CAPN8: variants seen among roughly 807,000 people sequenced by gnomAD.
CAPN8 encodes the protein calpain-8.
CAPN8 carries 87 observed loss-of-function variants against 80.9 expected under a neutral mutation model. The observed-to-expected ratio is 1.07, with a 90% confidence interval of 0.90 to 1.28. CAPN8 has a LOEUF of 1.28. CAPN8 is among the 50% of genes most tolerant of loss of function. The probability of loss-of-function intolerance (pLI) is 0.00; values close to 1 mark genes in which losing one functional copy is unlikely to be tolerated. For missense variants in CAPN8, 757 were observed against 702.0 expected, an observed-to-expected ratio of 1.08 and a Z score of -0.89; for synonymous variants, 299 against 273.8, an observed-to-expected ratio of 1.09 and a Z score of -0.91.
At chr1:223,614,410 A>G (rs1262588645) in intron 10 of CAPN8, among the ~76,000 whole-genome samples, 1 of 152,048 alleles carries the variant, frequency 6.6e-6, no homozygotes, top group Non-Finnish European at 1.5e-5. Context: ...AAAAAAAAAA[A>G]AAAGGTAGGC....
chr1:223,624,749 A>G (rs1269430846), intron 6 of CAPN8, among the ~76,000 whole-genome samples: 4 of 151,942 alleles, frequency 2.6e-5, no homozygotes, highest in Non-Finnish European at 4.4e-5. Flanking sequence ...AAATAAAATC[A>G]TTGTAAGCCA....
At chr1:223,618,623 G>A (rs1657277798) in intron 9 of CAPN8, among the ~76,000 whole-genome samples, 1 of 152,242 alleles carries the variant, frequency 6.6e-6, no homozygotes, top group Non-Finnish European at 1.5e-5. Flanking sequence ...GTGTGGGGAG[G>A]GGAGTGGGGA....
At chr1:223,628,388 T>C (rs1420597404) in intron 3 of CAPN8, among the ~76,000 whole-genome samples, 1 of 152,126 alleles carries the variant, frequency 6.6e-6, no homozygotes, top group Non-Finnish European at 1.5e-5. Context: ...CAGCAGGAAG[T>C]GATTCAGACC....
chr1:223,551,165 G>C, intron 14 of CAPN8, 148 bp from the exon 15 acceptor site: 1 of 589,822 alleles, frequency 1.7e-6, no homozygotes, highest in Non-Finnish European at 3.0e-6. Context: ...TTTTTTTTGA[G>C]ACAGTCTTAC....
intron 1 of CAPN8, among the ~76,000 whole-genome samples, chr1:223,656,285 A>G (rs1210501920): frequency 6.6e-6 from 1 of 152,042 alleles, no homozygotes; most frequent in East Asian, 1.9e-4. Context: ...CCTAGCTAAC[A>G]TGGTGAAACT....
chr1:223,658,186 A>G (rs1558358887), intron 1 of CAPN8, among the ~76,000 whole-genome samples: 2 of 152,194 alleles, frequency 1.3e-5, no homozygotes, highest in African/African-American at 4.8e-5. Flanking sequence ...TGATGCTTCC[A>G]AAATAACTCC....
intron 15 of CAPN8, among the ~76,000 whole-genome samples, chr1:223,549,850 C>T (rs1346713028): frequency 6.6e-6 from 1 of 152,198 alleles, no homozygotes; most frequent in Non-Finnish European, 1.5e-5. Flanking sequence ...AAGCACTGCA[C>T]ATCTACTCTT....
intron 2 of CAPN8, among the ~76,000 whole-genome samples, chr1:223,641,986 G>A (rs191121135): frequency 2.0e-5 from 3 of 152,260 alleles, no homozygotes; most frequent in South Asian, 2.1e-4. Flanking sequence ...ATTCAACACC[G>A]TGGGCCCACC....
intron 1 of CAPN8, among the ~76,000 whole-genome samples, chr1:223,663,953 T>C (rs548952646): frequency 6.6e-6 from 1 of 152,236 alleles, no homozygotes; most frequent in Non-Finnish European, 1.5e-5. Context: ...TTCCCTATCA[T>C]GGTTTAGAAG....
At chr1:223,656,675 TG>T (rs149773608) in intron 1 of CAPN8, among the ~76,000 whole-genome samples, 13,546 of 92,286 alleles carry the variant, frequency 0.15, 2,304 homozygotes, top group Non-Finnish European at 0.22. Context: ...TGGGTTTTTT[TG>T]TTTTGTTTTT....
At chr1:223,543,825 C>G (rs1329488092) in intron 19 of CAPN8, among the ~76,000 whole-genome samples, 1 of 152,240 alleles carries the variant, frequency 6.6e-6, no homozygotes, top group African/African-American at 2.4e-5. Flanking sequence ...TGGATGGCAG[C>G]TTTGTTAAGT....
chr1:223,634,902 T>G (rs1411838603), intron 2 of CAPN8, among the ~76,000 whole-genome samples: 1 of 152,208 alleles, frequency 6.6e-6, no homozygotes, highest in Non-Finnish European at 1.5e-5. Flanking sequence ...AATAGAGTAA[T>G]TGAAAGCAAT....
intron 20 of CAPN8, among the ~76,000 whole-genome samples, chr1:223,542,595 T>C (rs1003560352): frequency 1.3e-5 from 2 of 152,192 alleles, no homozygotes; most frequent in African/African-American, 4.8e-5. Flanking sequence ...CCACACTTCC[T>C]GCTGTCCCCT....
chr1:223,628,872 C>A (rs1435113543), intron 2 of CAPN8, 92 bp from the exon 3 acceptor site: 30 of 1,008,230 alleles, frequency 3.0e-5, no homozygotes, highest in Middle Eastern at 2.4e-4. Context: ...CCAGAGTCCA[C>A]GTTGCCACAT....
chr1:223,642,908 A>T (rs1571729564), intron 2 of CAPN8: 1 of 443,584 alleles, frequency 2.3e-6, no homozygotes, highest in East Asian at 7.0e-5. Context: ...CCAGCTTTAA[A>T]TCAGACCTTT....
intron 2 of CAPN8, among the ~76,000 whole-genome samples, chr1:223,630,503 AT>A (rs71572866): frequency 0.15 from 22,473 of 146,686 alleles, 1,962 homozygotes; most frequent in Middle Eastern, 0.23. Flanking sequence ...TGCCTGGTTA[AT>A]TTTTTTTTTT....
chr1:223,625,575 G>A (rs981502550), intron 6 of CAPN8, among the ~76,000 whole-genome samples: 4 of 152,178 alleles, frequency 2.6e-5, no homozygotes, highest in Non-Finnish European at 5.9e-5. Flanking sequence ...GGGATTACAG[G>A]TGTGAGCCAC....
rs1657046878 is a variant in CAPN8 at position 223,612,237 on chromosome 1, C to T, written c.1323+9G>A. 3 of 1,234,334 alleles carry T rather than the reference C, an allele frequency of 2.4e-6. No homozygotes were observed. The highest frequency in any genetic ancestry group is 1.5e-5 in the African/African-American group (1 of 64,630). 76.5% of individuals were successfully genotyped at this position (1,234,334 alleles called of 1,614,324 possible). A position where few individuals can be genotyped will look rare whatever the true frequency, so the allele number is the denominator to read the frequency against. On this transcript the variant is annotated intron_variant, in intron 11 of 20. Coordinates refer to ENST00000366872, the MANE Select transcript of CAPN8 (RefSeq NM_001143962.2). ...CCAAAGGAAGGAATCTCTGTCAGCA[C>T]TCACATACCTCCTTGGGAACCTGTG...
At chr1:223,550,839 T>G (rs1249164050) in intron 15 of CAPN8, 121 bp downstream of exon 15, 1 of 608,166 alleles carries the variant, frequency 1.6e-6, no homozygotes, top group Non-Finnish European at 3.0e-6. Context: ...GCTCCTGGGG[T>G]CAGACACCAA....
Sources: allele counts gnomAD v4.1 joint callset (sites outside exome capture counted in the v4.1 genomes callset), GRCh38; gene constraint gnomAD v4.1.1; transcripts MANE v1.5; gene names NCBI Gene and HGNC (gene_info 2026-07-23, HGNC 2026-07-21).